CNTLN: variants seen among roughly 807,000 people sequenced by gnomAD.
The protein encoded by CNTLN is centlein, centrosomal protein.
In CNTLN, 212 loss-of-function variants were observed where a neutral mutation model predicts 180.0. The ratio of observed to expected loss-of-function variants is 1.18; its 90% confidence interval spans 1.05 to 1.32. The LOEUF is 1.32. CNTLN is among the 40% of genes most tolerant of loss of function. The pLI is 0.00. For synonymous variants in CNTLN, 722 were observed against 563.1 expected (o/e 1.28, Z -3.99); for missense variants, 2,095 against 1,610.9 (o/e 1.30, Z -5.14).
At chr9:17,405,063 A>G (rs1827272263) in intron 15 of CNTLN, among the ~76,000 whole-genome samples, 1 of 151,672 alleles carries the variant, frequency 6.6e-6, no homozygotes, top group Non-Finnish European at 1.5e-5. Flanking sequence ...GAGGGTCACT[A>G]CCACTTTGCC....
At chr9:17,301,691 A>T in intron 7 of CNTLN, 1 of 962,200 alleles carries the variant, frequency 1.0e-6, no homozygotes, top group African/African-American at 1.8e-5. Flanking sequence ...CCTCAACTAG[A>T]CTCAATTTGA....
intron 10 of CNTLN, among the ~76,000 whole-genome samples, chr9:17,335,268 C>T (rs1820929946): frequency 3.9e-5 from 6 of 152,158 alleles, no homozygotes; most frequent in Admixed American, 3.9e-4. Context: ...CCTGTAATCC[C>T]AGCACTTTGG....
chr9:17,326,204 C>A (rs11789741), intron 8 of CNTLN, among the ~76,000 whole-genome samples: 34,326 of 151,698 alleles, frequency 0.23, 4,167 homozygotes, highest in South Asian at 0.37. Context: ...GTAGTCAGTC[C>A]ACGAATCATT....
intron 13 of CNTLN, among the ~76,000 whole-genome samples, chr9:17,378,242 C>G (rs958538811): frequency 6.6e-6 from 1 of 152,134 alleles, no homozygotes; most frequent in Non-Finnish European, 1.5e-5. Flanking sequence ...TGCAGTGGCA[C>G]AATCTTGGCT....
chr9:17,144,813 A>AAATGAAGATCTGTGGGCC (rs1554641859), intron 2 of CNTLN, among the ~76,000 whole-genome samples: 1 of 150,668 alleles, frequency 6.6e-6, no homozygotes, highest in Non-Finnish European at 1.5e-5. Flanking sequence ...GAATTTATTT[A>AAATGAAGATCTGTGGGCC]TTTATTTTAT....
chr9:17,317,933 C>T (rs1273691178), intron 8 of CNTLN, among the ~76,000 whole-genome samples: 1 of 151,870 alleles, frequency 6.6e-6, no homozygotes, highest in Non-Finnish European at 1.5e-5. Flanking sequence ...AATGGAAAGC[C>T]GTTGGTGTGT....
intron 8 of CNTLN, among the ~76,000 whole-genome samples, chr9:17,319,639 A>G (rs1205514875): frequency 1.3e-5 from 2 of 152,164 alleles, no homozygotes; most frequent in African/African-American, 2.4e-5. Context: ...CTGTCAACTC[A>G]GTTTCAACAT....
At chr9:17,473,607 C>A (rs4301521) in intron 23 of CNTLN, among the ~76,000 whole-genome samples, 134,919 of 145,580 alleles carry the variant, frequency 0.93, 62,392 homozygotes, top group Non-Finnish European at 1. Context: ...AAAAAAAAAA[C>A]AAAACAAAAA....
chr9:17,331,530 G>T (rs1456512594), intron 9 of CNTLN, among the ~76,000 whole-genome samples: 1 of 151,876 alleles, frequency 6.6e-6, no homozygotes, highest in Non-Finnish European at 1.5e-5. Context: ...TCACACGCTT[G>T]TTACTTCAGC....
In CNTLN at chr9:17,397,264, A is replaced by T. The variant is rs1587880395; in HGVS notation, c.2615+2195A>T. Among the ~76,000 whole-genome samples the T allele has an allele frequency of 2.6e-5, 4 of 152,340 alleles. No individual in the cohort carries two copies. In the Middle Eastern group the frequency reaches 0.014, roughly 518 times the overall value. ...AAGAAAGAATTTGAGGCAAGTCCAT[A>T]GAGTAAAGTGAAAGCAAATTTACTA... On this transcript the variant is annotated intron_variant, in intron 15 of 25. Coordinates refer to ENST00000380647, the MANE Select transcript of CNTLN (RefSeq NM_017738.4).
chr9:17,147,617 GGCT>G (rs199901142), intron 2 of CNTLN, among the ~76,000 whole-genome samples: 1 of 151,374 alleles, frequency 6.6e-6, no homozygotes, highest in African/African-American at 2.4e-5. Context: ...GTTCATTTAT[GGCT>G]GCTGCTGTTG....
chr9:17,434,855 T>C (rs1829667673), intron 18 of CNTLN, among the ~76,000 whole-genome samples: 1 of 152,172 alleles, frequency 6.6e-6, no homozygotes, highest in Non-Finnish European at 1.5e-5. Context: ...AGTTGTTGTT[T>C]TGGAAAACAA....
intron 18 of CNTLN, among the ~76,000 whole-genome samples, chr9:17,454,077 C>T (rs73414434): frequency 0.033 from 5,056 of 152,164 alleles, 243 homozygotes; most frequent in East Asian, 0.25. Context: ...GGTATTGTAC[C>T]AGAGCATGAG....
Position 17,136,385 on chromosome 9 carries a change from A to G in CNTLN, c.360+960A>G, listed in dbSNP as rs1019255610. Reference sequence around the variant, plus strand: ...TTCTCTGTCGCCCAGGCTGGAGTGCAGTGGTGCAGTCTCAGCTCACTGCAA... The same window carrying G: ...TTCTCTGTCGCCCAGGCTGGAGTGCGGTGGTGCAGTCTCAGCTCACTGCAA... On this transcript the variant is annotated intron_variant, in intron 1 of 25. Transcript: ENST00000380647. Among the ~76,000 whole-genome samples the G allele has an allele frequency of 2.6e-5, 4 of 152,218 alleles. No homozygotes were observed. In the South Asian group the frequency reaches 8.3e-4, roughly 31 times the overall value.
intron 6 of CNTLN, among the ~76,000 whole-genome samples, chr9:17,281,365 G>A (rs1032820560): frequency 2.0e-5 from 3 of 152,006 alleles, no homozygotes; most frequent in African/African-American, 7.3e-5. Flanking sequence ...ATGGTGGTTT[G>A]CAGCACCTAT....
intron 18 of CNTLN, among the ~76,000 whole-genome samples, chr9:17,423,574 A>G (rs1828877651): frequency 6.6e-6 from 1 of 152,058 alleles, no homozygotes; most frequent in African/African-American, 2.4e-5. Flanking sequence ...GGTTATGTGC[A>G]CTTCAGTTCA....
chr9:17,316,496 T>G (rs1449413065), intron 8 of CNTLN, among the ~76,000 whole-genome samples: 2 of 152,040 alleles, frequency 1.3e-5, no homozygotes, highest in Admixed American at 1.3e-4. Context: ...AAGTTGAAAG[T>G]GCATTTTTGA....
chr9:17,424,515 T>C (rs1828948024), intron 18 of CNTLN, among the ~76,000 whole-genome samples: 1 of 152,208 alleles, frequency 6.6e-6, no homozygotes, highest in African/African-American at 2.4e-5. Context: ...CAGAATCATA[T>C]TATCAAAGAA....
intron 5 of CNTLN, among the ~76,000 whole-genome samples, chr9:17,262,577 G>C (rs1387253423): frequency 6.6e-6 from 1 of 151,384 alleles, no homozygotes; most frequent in East Asian, 1.9e-4. Context: ...CCTGTTGTGG[G>C]GTAGTGGGGA....
Sources: allele counts gnomAD v4.1 joint callset (sites outside exome capture counted in the v4.1 genomes callset), GRCh38; gene constraint gnomAD v4.1.1; transcripts MANE v1.5; gene names NCBI Gene and HGNC (gene_info 2026-07-23, HGNC 2026-07-21).